The following CEP128 variants were observed in gnomAD, a reference collection of about 807,000 sequenced individuals.
CEP128 encodes centrosomal protein 128.
CEP128 carries 132 observed loss-of-function variants against 156.7 expected under a neutral mutation model. The ratio of observed to expected loss-of-function variants is 0.84; its 90% confidence interval spans 0.73 to 0.97. The LOEUF is 0.97. Ranked by LOEUF, CEP128 falls within the 50% of genes least tolerant of loss-of-function variation. CEP128 has a pLI of 0.00. For synonymous variants in CEP128, 469 were observed against 448.9 expected, an observed-to-expected ratio of 1.04 and a Z score of -0.57; for missense variants, 1,252 against 1,281.9, an observed-to-expected ratio of 0.98 and a Z score of 0.36.
chr14:80,633,063 C>CA (rs1432124598), intron 19 of CEP128, among the ~76,000 whole-genome samples: 1 of 151,632 alleles, frequency 6.6e-6, no homozygotes. Context: ...TCCGTTTCTA[C>CA]AAAAAAATAA....
chr14:80,607,395 T>C (rs1382979704), intron 19 of CEP128, among the ~76,000 whole-genome samples: 1 of 151,756 alleles, frequency 6.6e-6, no homozygotes, highest in Non-Finnish European at 1.5e-5. Context: ...CAAAAGAAAA[T>C]ATAGGCTGAA....
chr14:80,674,638 C>CAT (rs1895989135), intron 19 of CEP128, among the ~76,000 whole-genome samples: 1 of 151,702 alleles, frequency 6.6e-6, no homozygotes, highest in South Asian at 2.1e-4. Context: ...TTTATATACA[C>CAT]ATATATATGC....
intron 23 of CEP128, among the ~76,000 whole-genome samples, chr14:80,521,168 ATTGTTT>A (rs1888730430): frequency 6.6e-6 from 1 of 151,830 alleles, no homozygotes; most frequent in Non-Finnish European, 1.5e-5. Flanking sequence ...GGAAACAATC[ATTGTTT>A]GGATGAATAT....
intron 19 of CEP128, among the ~76,000 whole-genome samples, chr14:80,713,265 C>T (rs754834628): frequency 1.3e-5 from 2 of 152,016 alleles, no homozygotes; most frequent in African/African-American, 2.4e-5. Context: ...CCACATTTTC[C>T]GCGGTGATCT....
At chr14:80,906,122 A>G (rs1883873313) in intron 4 of CEP128, 41 bp from the exon 5 acceptor site, 12 of 1,425,628 alleles carry the variant, frequency 8.4e-6, no homozygotes, top group Non-Finnish European at 1.1e-5. Context: ...TATTCTTCTT[A>G]AACAACTTCC....
At chr14:80,523,115 C>A (rs192541463) in intron 23 of CEP128, among the ~76,000 whole-genome samples, 186 of 152,314 alleles carry the variant, frequency 1.2e-3, no homozygotes, top group African/African-American at 4.4e-3. Context: ...CCCTTCCCTA[C>A]ACCAGCAGTG....
At chr14:80,906,313 T>A (rs1019487370) in intron 4 of CEP128, among the ~76,000 whole-genome samples, 4 of 152,198 alleles carry the variant, frequency 2.6e-5, no homozygotes, top group Admixed American at 2.6e-4. Context: ...ACCTATTCCA[T>A]TTTTTATTGC....
At chr14:80,837,710 G>A (rs61979454) in intron 11 of CEP128, among the ~76,000 whole-genome samples, 1,695 of 152,204 alleles carry the variant, frequency 0.011, 14 homozygotes, top group Middle Eastern at 0.017. Context: ...GCGAGACTGC[G>A]TCTCAAAAAA....
intron 21 of CEP128, among the ~76,000 whole-genome samples, chr14:80,533,930 AG>A (rs1233660063): frequency 1.3e-5 from 2 of 152,314 alleles, no homozygotes; most frequent in Middle Eastern, 3.4e-3. Context: ...TAGCTCACCC[AG>A]GGGAACAAAA....
Position 80,563,399 on chromosome 14 carries a change from G to T in CEP128, c.2857-4097C>A, listed in dbSNP as rs1890771041. Reference sequence around the variant, plus strand: ...TTATTTTTGTGGTAATAGACTTTGAGAGTCTAATAAAACTTGACATTCTCC... The same window carrying T: ...TTATTTTTGTGGTAATAGACTTTGATAGTCTAATAAAACTTGACATTCTCC... On this transcript the variant is annotated intron_variant, in intron 20 of 24. Coordinates refer to ENST00000555265, the MANE Select transcript of CEP128 (RefSeq NM_152446.5). Among the ~76,000 whole-genome samples, 6 of 152,058 alleles carry T rather than the reference G, an allele frequency of 3.9e-5. No homozygotes were observed. The South Asian group carries it at 1.2e-3, about 32-fold the overall frequency.
chr14:80,829,184 C>A (rs17111151), intron 13 of CEP128, among the ~76,000 whole-genome samples: 28,271 of 151,994 alleles, frequency 0.19, 3,196 homozygotes, highest in East Asian at 0.45. Flanking sequence ...GAAAATCAGA[C>A]GTGTCACTAA....
chr14:80,871,814 TA>T (rs1233926568), intron 8 of CEP128, among the ~76,000 whole-genome samples: 1 of 151,942 alleles, frequency 6.6e-6, no homozygotes, highest in African/African-American at 2.4e-5. Context: ...AATAGCAAAA[TA>T]ACAAGAATAA....
intron 23 of CEP128, among the ~76,000 whole-genome samples, chr14:80,512,672 T>G (rs1208622989): frequency 6.6e-6 from 1 of 151,986 alleles, no homozygotes; most frequent in East Asian, 1.9e-4. Context: ...TTCCTTTCTG[T>G]CTTCCTTTTT....
rs377727960 is a variant in CEP128 at position 80,896,564 on chromosome 14, A to G, written c.573-774T>C. Among the ~76,000 whole-genome samples the G allele has an allele frequency of 1.3e-4, 20 of 152,264 alleles. No homozygotes were observed. In the South Asian group the frequency reaches 4.1e-3, roughly 32 times the overall value. ...GGTTACCTGTAGAGTTTTATGTAAT[A>G]TATTTATACATCTTATGAATTTTAT... On this transcript the variant is annotated intron_variant, in intron 7 of 24. Coordinates refer to ENST00000555265, the MANE Select transcript of CEP128 (RefSeq NM_152446.5).
chr14:80,784,282 GAAA>G (rs34067954), intron 15 of CEP128, among the ~76,000 whole-genome samples: 2 of 137,388 alleles, frequency 1.5e-5, no homozygotes, highest in African/African-American at 5.3e-5. Context: ...CACGTGTTAT[GAAA>G]AAAAAAAAAA....
chr14:80,935,664 AAAAAC>A (rs1885759547), intron 2 of CEP128, among the ~76,000 whole-genome samples: 1 of 147,446 alleles, frequency 6.8e-6, no homozygotes, highest in African/African-American at 2.5e-5. Flanking sequence ...AAAAAAAAAA[AAAAAC>A]AGAACACACA....
intron 19 of CEP128, among the ~76,000 whole-genome samples, chr14:80,660,795 T>G (rs950102406): frequency 2.0e-5 from 3 of 152,202 alleles, no homozygotes; most frequent in Non-Finnish European, 4.4e-5. Flanking sequence ...CTACACTGAT[T>G]TGGCTATCTT....
chr14:80,671,562 T>C (rs1416640101), intron 19 of CEP128, among the ~76,000 whole-genome samples: 1 of 152,198 alleles, frequency 6.6e-6, no homozygotes, highest in African/African-American at 2.4e-5. Context: ...CTATTCTTTA[T>C]AAACAATTAA....
At chr14:80,518,934 T>C (rs1006754582) in intron 23 of CEP128, among the ~76,000 whole-genome samples, 7 of 152,194 alleles carry the variant, frequency 4.6e-5, no homozygotes, top group Non-Finnish European at 5.9e-5. Flanking sequence ...AATAATGTCA[T>C]CTCCTCTAAT....
Sources: allele counts gnomAD v4.1 joint callset (sites outside exome capture counted in the v4.1 genomes callset), GRCh38; gene constraint gnomAD v4.1.1; transcripts MANE v1.5; gene names NCBI Gene and HGNC (gene_info 2026-07-23, HGNC 2026-07-21).